The following SYTL1 variants were observed in gnomAD, a reference collection of about 807,000 sequenced individuals.
SYTL1 encodes synaptotagmin like 1, also known as synaptotagmin-like protein 1.
Under a neutral mutation model 74.6 loss-of-function variants are expected in SYTL1, and 53 were observed. The ratio of observed to expected loss-of-function variants is 0.71; its 90% CI spans 0.57 to 0.89. The LOEUF (loss-of-function observed/expected upper bound fraction) is 0.89. SYTL1 is among the 40% of genes least tolerant of loss of function. The probability of loss-of-function intolerance (pLI) is 0.00; values close to 1 mark genes in which losing one functional copy is unlikely to be tolerated. For synonymous variants in SYTL1, 329 were observed against 324.9 expected (o/e 1.01, Z -0.14); for missense variants, 728 against 768.7 (o/e 0.95, Z 0.63).
At chr1:27,349,870 C>G in intron 8 of SYTL1, 102 bp from the exon 9 acceptor site, 5 of 1,534,784 alleles carry the variant, frequency 3.3e-6, no homozygotes, top group Non-Finnish European at 4.4e-6. Flanking sequence ...CTGCAGCCCC[C>G]CAGCCTGCCA....
chr1:27,350,541 G>T lies in SYTL1; in HGVS notation c.1005+56G>T. The T allele has an allele frequency of 6.9e-7, 1 of 1,453,052 alleles. No individual in the cohort carries two copies. The highest frequency in any genetic ancestry group is 9.5e-7 in the Non-Finnish European group (1 of 1,048,592). 90.0% of individuals were successfully genotyped at this position (1,453,052 alleles called of 1,614,324 possible). ...TTAATGAACTGGACGCCCCCTTCCTGCGGGGCTAGGTGGCAAGGGCAGCCA... is the reference window on the plus strand; with the variant it reads ...TTAATGAACTGGACGCCCCCTTCCTTCGGGGCTAGGTGGCAAGGGCAGCCA... On this transcript the variant is annotated intron_variant, in intron 10 of 14. Transcript: ENST00000616558. This position sits in a 1 kb window ranked among gnomAD's most constrained non-coding sequence, Gnocchi z 6.3.
At chr1:27,344,530 C>G (rs1427092935) in intron 1 of SYTL1, among the ~76,000 whole-genome samples, 2 of 149,806 alleles carry the variant, frequency 1.3e-5, no homozygotes, top group Admixed American at 1.3e-4. Context: ...CGTGAGCCAC[C>G]GCGCCTGGCC....
In SYTL1 at chr1:27,351,012, C is replaced by T; in HGVS notation, c.1164+60C>T. On this transcript the variant is annotated intron_variant, in intron 11 of 14. Transcript: ENST00000616558. This position sits in a 1 kb window ranked among gnomAD's most constrained non-coding sequence, Gnocchi z 5.0. ...CCCGGGTCTCCTGCATTTACCCCACCAGGCTCTCCCGCAGCCCCCTCACAC... is the reference window on the plus strand; with the variant it reads ...CCCGGGTCTCCTGCATTTACCCCACTAGGCTCTCCCGCAGCCCCCTCACAC... 11 of 1,584,724 alleles carry T rather than the reference C, an allele frequency of 6.9e-6. No homozygotes were observed. The highest frequency in any genetic ancestry group is 9.5e-6 in the Non-Finnish European group (11 of 1,161,620).
At chr1:27,344,303 G>A (rs544355789) in intron 1 of SYTL1, among the ~76,000 whole-genome samples, 5 of 151,974 alleles carry the variant, frequency 3.3e-5, no homozygotes, top group South Asian at 2.1e-4. Flanking sequence ...GGGTTTCTCC[G>A]TGTTGGTCAG....
chr1:27,348,045 T>C lies in SYTL1; in HGVS notation c.459+33T>C. On this transcript the variant is annotated intron_variant, in intron 5 of 14. Coordinates refer to ENST00000616558, the MANE Select transcript of SYTL1 (RefSeq NM_001193308.2). This position sits in a 1 kb window ranked among gnomAD's most constrained non-coding sequence, Gnocchi z 4.1. ...AATGAGCCAACATGTGAGTACAGTG[T>C]CCCTGGAGGGGAGGTGGAATGTGCA... 6.2e-7 allele frequency: 1 copy of C among 1,608,646 alleles called. No individual in the cohort carries two copies. Among genetic ancestry groups the C allele is most frequent in the South Asian group, 1.1e-5 (1 of 90,972 alleles).
At chr1:27,349,548 G>A (rs2015151556) in intron 7 of SYTL1, 50 bp downstream of exon 7, 1 of 1,470,188 alleles carries the variant, frequency 6.8e-7, no homozygotes, top group Admixed American at 2.5e-5. Context: ...GCGGACTCCG[G>A]GCGGGGAGCG....
chr1:27,352,164 A>T (rs1158320388), intron 13 of SYTL1: 1 of 151,990 alleles, frequency 6.6e-6, no homozygotes, highest in Non-Finnish European at 1.5e-5. Flanking sequence ...ACATGGTGAA[A>T]CCCCATCTCT....
Position 27,347,903 on chromosome 1 carries a change from G to C in SYTL1, c.413+23G>C. The stretch of plus-strand genomic sequence containing the variant: ...CAGGTGAGGAGGAGTCTCAGGAAGG[G>C]GGAGATGGTGCCCACCAGTCACCAG... On this transcript the variant is annotated intron_variant, in intron 4 of 14. Coordinates refer to ENST00000616558, the MANE Select transcript of SYTL1 (RefSeq NM_001193308.2). The surrounding 1 kb of genome is among the most constrained non-coding windows in gnomAD (Gnocchi z 4.9). 6.2e-7 allele frequency: 1 copy of C among 1,614,084 alleles called. No individual in the cohort carries two copies. Among genetic ancestry groups the C allele is most frequent in the Non-Finnish European group, 8.5e-7 (1 of 1,179,958 alleles).
chr1:27,346,893 G>A (rs2015024418), intron 2 of SYTL1, among the ~76,000 whole-genome samples: 1 of 152,148 alleles, frequency 6.6e-6, no homozygotes, highest in South Asian at 2.1e-4. Flanking sequence ...TGAGGCAGGT[G>A]GATTGCTTGA....
rs1571027154 is a variant in SYTL1 at position 27,343,974 on chromosome 1, C to A, written c.-38-1323C>A. Among the ~76,000 whole-genome samples the A allele has an allele frequency of 6.6e-6, 1 of 152,190 alleles. No individual in the cohort carries two copies. The highest frequency in any genetic ancestry group is 6.5e-5 in the Admixed American group (1 of 15,268). ...TTTGAGACGGAGTCTCACTCTTGCCCAGGCTGGAGTGCAGTGGCGCCATCT... is the reference window on the plus strand; with the variant it reads ...TTTGAGACGGAGTCTCACTCTTGCCAAGGCTGGAGTGCAGTGGCGCCATCT... On this transcript the variant is annotated intron_variant, in intron 1 of 14. Coordinates refer to ENST00000616558, the MANE Select transcript of SYTL1 (RefSeq NM_001193308.2). This position sits in a 1 kb window ranked among gnomAD's most constrained non-coding sequence, Gnocchi z 5.2.
In SYTL1 at chr1:27,344,575, G is replaced by A. The variant is rs551987406; in HGVS notation, c.-38-722G>A. ...AGATTTAAGAACATGTGTAGGGCCG[G>A]GCGTGGTGGCTCACGCCTGTACTCC... On this transcript the variant is annotated intron_variant, in intron 1 of 14. Coordinates refer to ENST00000616558, the MANE Select transcript of SYTL1 (RefSeq NM_001193308.2). Among the ~76,000 whole-genome samples, 188 of 149,770 alleles carry A rather than the reference G, an allele frequency of 1.3e-3. 1 individual carries two copies. Among genetic ancestry groups the A allele is most frequent in the Non-Finnish European group, 2.5e-3 (168 of 67,166 alleles).
At position 27,350,874 on chromosome 1, in the gene SYTL1, CT is replaced by C. The variant is rs2015239717; in HGVS notation, c.1089del (p.Leu364TrpfsTer65). 1 of 1,613,754 alleles carries C rather than the reference CT, an allele frequency of 6.2e-7. No homozygotes were observed. The highest frequency in any genetic ancestry group is 1.1e-5 in the South Asian group (1 of 91,094). On this transcript the variant is annotated frameshift_variant, in exon 11 of 15. Coordinates refer to ENST00000616558, the MANE Select transcript of SYTL1 (RefSeq NM_001193308.2). LOFTEE classifies it high-confidence loss of function. The surrounding 1 kb of genome is among the most constrained non-coding windows in gnomAD (Gnocchi z 6.3). ...ACCGCGAAAGCCTGGGTCGCAACAT[CT>C]TTCTGGGCGAAGTTGAAGTGCCCCT... ...WHRESLGRNI[F>X]LGEVEVPLDT...
rs756221128 is a variant in SYTL1, at chr1:27,345,537, C to A, written c.191+12C>A. 2.6e-6 allele frequency: 4 copies of A among 1,535,276 alleles called. No individual in the cohort carries two copies. The highest frequency in any genetic ancestry group is 2.6e-6 in the Non-Finnish European group (3 of 1,136,682). ...GAGGGGCGGGTCAGGTAAGGCAGGG[C>A]AGACCCTGGCCGGGGAGCACCAAGA... On this transcript the variant is annotated intron_variant, in intron 2 of 14. Coordinates refer to ENST00000616558, the MANE Select transcript of SYTL1 (RefSeq NM_001193308.2). The surrounding 1 kb of genome is among the most constrained non-coding windows in gnomAD (Gnocchi z 6.0).
In SYTL1 at chr1:27,348,404, C is replaced by G. The variant is rs915034488; in HGVS notation, c.459+392C>G. Among the ~76,000 whole-genome samples the G allele has an allele frequency of 1.3e-5, 2 of 151,584 alleles. No homozygotes were observed. Among genetic ancestry groups the G allele is most frequent in the East Asian group, 3.9e-4 (2 of 5,168 alleles). ...CTGGGCAACATAGCAAAATGCCCCC[C>G]ATGTCTATAAAAAATAAATAAAAAA... On this transcript the variant is annotated intron_variant, in intron 5 of 14. Coordinates refer to ENST00000616558, the MANE Select transcript of SYTL1 (RefSeq NM_001193308.2). This position sits in a 1 kb window ranked among gnomAD's most constrained non-coding sequence, Gnocchi z 4.1.
intron 2 of SYTL1, among the ~76,000 whole-genome samples, chr1:27,346,387 G>A (rs554036456): frequency 1.3e-5 from 2 of 152,310 alleles, no homozygotes; most frequent in Middle Eastern, 3.4e-3. Flanking sequence ...TCCTAGCTAC[G>A]TAGCCTTGGC....
rs1571050171 is a variant in SYTL1 at position 27,353,019 on chromosome 1, C to T, written c.1344-264C>T. ...CAGGCTGGTCTCGAACTTCTGACCT[C>T]AGGTGATCCACCCACCTCGGCCTCC... is the stretch of plus-strand genomic sequence containing the variant. On this transcript the variant is annotated intron_variant, in intron 13 of 14. Transcript: ENST00000616558. The T allele has an allele frequency of 2.3e-5, 11 of 472,374 alleles. No individual in the cohort carries two copies. The East Asian group carries it at 4.3e-4, about 19-fold the overall frequency. 29.3% of individuals were successfully genotyped at this position (472,374 alleles called of 1,614,324 possible).
rs1302956518 is a variant in SYTL1, at chr1:27,350,062, G to A, written c.838G>A (p.Ala280Thr). 2.7e-6 allele frequency: 4 copies of A among 1,506,358 alleles called. No individual in the cohort carries two copies. The highest frequency in any genetic ancestry group is 2.9e-5 in the African/African-American group (2 of 68,714). 93.3% of individuals were successfully genotyped at this position (1,506,358 alleles called of 1,614,324 possible). Residue 280 changes from alanine (A) to threonine (T), a missense_variant, in exon 9 of 15, where the codon GCC becomes ACC. Ala to Thr is a moderately conservative substitution (Grantham distance 58). Transcript: ENST00000616558. This position sits in a 1 kb window ranked among gnomAD's most constrained non-coding sequence, Gnocchi z 6.3. ...VHFALHYEPG[A>T]AELRVHVIQC... ...CTTCGCGCTGCACTACGAGCCGGGC[G>A]CCGCCGAGCTGCGCGTGCACGTGAT...
At position 27,349,697 on chromosome 1, in the gene SYTL1, G is replaced by C; in HGVS notation, c.679G>C (p.Gly227Arg). Residue 227 changes from glycine to arginine, a missense_variant, in exon 8 of 15, where the codon GGG becomes CGG. Coordinates refer to ENST00000616558, the MANE Select transcript of SYTL1 (RefSeq NM_001193308.2). The part of the protein sequence containing the change: ...QILENGEEAP[G>R]PDPSLDRMLS... ...CCTGGAGAATGGGGAGGAGGCCCCG[G>C]GGCCCGACCCCTCTCTCGACCGCAT... The C allele has an allele frequency of 6.2e-7, 1 of 1,611,408 alleles. No individual in the cohort carries two copies. Among genetic ancestry groups the C allele is most frequent in the Non-Finnish European group, 8.5e-7 (1 of 1,179,396 alleles).
Position 27,351,076 on chromosome 1 carries a change from C to T in SYTL1, c.1164+124C>T. 9 of 1,367,390 alleles carry T rather than the reference C, an allele frequency of 6.6e-6. No homozygotes were observed. Among genetic ancestry groups the T allele is most frequent in the Middle Eastern group, 2.5e-4 (1 of 3,954 alleles). 84.7% of individuals were successfully genotyped at this position (1,367,390 alleles called of 1,614,324 possible). ...GAACCTCCCCTCAACCTCTTAACCT[C>T]ATGGCCCCAGGCGAAGCCCGGCCGG... On this transcript the variant is annotated intron_variant, in intron 11 of 14. Coordinates refer to ENST00000616558, the MANE Select transcript of SYTL1 (RefSeq NM_001193308.2). The surrounding 1 kb of genome is among the most constrained non-coding windows in gnomAD (Gnocchi z 5.0).
Sources: allele counts gnomAD v4.1 joint callset (sites outside exome capture counted in the v4.1 genomes callset), GRCh38; gene constraint gnomAD v4.1.1; non-coding constraint Gnocchi (gnomAD v3.1); transcripts MANE v1.5; gene names NCBI Gene and HGNC (gene_info 2026-07-23, HGNC 2026-07-21).